CALN1: variants seen among roughly 807,000 people sequenced by gnomAD.
The protein encoded by CALN1 is calcium-binding protein 8.
CALN1 carries 17 observed loss-of-function variants against 30.6 expected under a neutral mutation model. The ratio of observed to expected loss-of-function variants is 0.56; its 90% CI spans 0.38 to 0.83. The LOEUF is 0.83. Among genes scored for constraint, CALN1 ranks in the 40% least tolerant of loss-of-function variants. CALN1 has a pLI of 0.00. For synonymous variants in CALN1, 156 were observed against 131.4 expected, an observed-to-expected ratio of 1.19 and a Z score of -1.28; for missense variants, 291 against 354.9, an observed-to-expected ratio of 0.82 and a Z score of 1.45.
At chr7:72,344,206 C>A (rs984878420) in intron 2 of CALN1, among the ~76,000 whole-genome samples, 1 of 152,056 alleles carries the variant, frequency 6.6e-6, no homozygotes, top group Non-Finnish European at 1.5e-5. Flanking sequence ...CCAGAGAAGG[C>A]TACAGATTCT....
chr7:72,158,889 G>A (rs563624143), intron 3 of CALN1, among the ~76,000 whole-genome samples: 17 of 152,128 alleles, frequency 1.1e-4, no homozygotes, highest in African/African-American at 1.2e-4. Flanking sequence ...ATGGAGTCTC[G>A]CTCTGTCGCC....
At chr7:72,304,048 GAGTC>G (rs1374363838) in intron 2 of CALN1, among the ~76,000 whole-genome samples, 1 of 152,176 alleles carries the variant, frequency 6.6e-6, no homozygotes, top group Non-Finnish European at 1.5e-5. Flanking sequence ...GCCACTCTAA[GAGTC>G]AGTAATACAG....
At chr7:72,501,976 T>TACAC in the CALN1 span, among the ~76,000 whole-genome samples, 6 of 108,604 alleles carry the variant, frequency 5.5e-5, no homozygotes, top group South Asian at 2.6e-4. Flanking sequence ...TAAATATATA[T>TACAC]ACACACATAT....
At chr7:72,126,846 A>G (rs920949862) in intron 3 of CALN1, among the ~76,000 whole-genome samples, 1 of 152,110 alleles carries the variant, frequency 6.6e-6, no homozygotes, top group Non-Finnish European at 1.5e-5. Context: ...ACTATAATAC[A>G]TATTGGGTAC....
At chr7:72,356,466 G>A (rs1308336092) in intron 2 of CALN1, among the ~76,000 whole-genome samples, 1 of 151,910 alleles carries the variant, frequency 6.6e-6, no homozygotes, top group Non-Finnish European at 1.5e-5. Context: ...AGTGATAAAT[G>A]TACTAATTTA....
chr7:72,277,965 C>T (rs907553180), intron 3 of CALN1, among the ~76,000 whole-genome samples: 3 of 139,670 alleles, frequency 2.1e-5, no homozygotes, highest in African/African-American at 8.0e-5. Context: ...CGATGTAGTA[C>T]CTAGGTAAAA....
intron 3 of CALN1, among the ~76,000 whole-genome samples, chr7:72,108,541 T>A (rs1011649625): frequency 8.5e-5 from 13 of 152,236 alleles, no homozygotes; most frequent in Admixed American, 1.3e-4. Flanking sequence ...CATGTTGACT[T>A]CTGACAAACT....
chr7:72,117,814 C>T (rs1456965979), intron 3 of CALN1, among the ~76,000 whole-genome samples: 2 of 151,930 alleles, frequency 1.3e-5, no homozygotes, highest in African/African-American at 4.8e-5. Context: ...AAAAATTAGC[C>T]AGGCCTGGTG....
intron 5 of CALN1, among the ~76,000 whole-genome samples, chr7:71,983,999 T>C (rs183664305): frequency 1.3e-5 from 2 of 152,122 alleles, no homozygotes; most frequent in Admixed American, 1.3e-4. Context: ...GATAATAGTT[T>C]GTAAAGACTA....
chr7:72,073,644 T>C (rs1019962772), intron 4 of CALN1, among the ~76,000 whole-genome samples: 9 of 151,978 alleles, frequency 5.9e-5, no homozygotes, highest in Admixed American at 6.6e-5. Flanking sequence ...TCTTTTTCCT[T>C]CCTGTCTTCC....
At chr7:72,483,351 C>T in the CALN1 span, among the ~76,000 whole-genome samples, 2,626 of 141,976 alleles carry the variant, frequency 0.018, 72 homozygotes, top group African/African-American at 0.062. Context: ...GTGGCACGAT[C>T]TCAGCTCACT....
intron 2 of CALN1, among the ~76,000 whole-genome samples, chr7:72,378,551 A>C (rs1804700360): frequency 6.6e-6 from 1 of 152,196 alleles, no homozygotes. Flanking sequence ...AATCACTTCA[A>C]GTAGAATGTA....
At chr7:72,365,863 C>A (rs1017420197) in intron 2 of CALN1, among the ~76,000 whole-genome samples, 11 of 152,108 alleles carry the variant, frequency 7.2e-5, no homozygotes, top group Non-Finnish European at 1.6e-4. Flanking sequence ...TGAAAACGTA[C>A]CCTCTCGCCC....
intron 4 of CALN1, among the ~76,000 whole-genome samples, chr7:72,045,803 C>G (rs1802427698): frequency 6.6e-6 from 1 of 151,888 alleles, no homozygotes; most frequent in African/African-American, 2.4e-5. Context: ...AGTTTGATAC[C>G]AGCCTGGCCA....
chr7:72,058,151 A>G (rs1445315705), intron 4 of CALN1, among the ~76,000 whole-genome samples: 2 of 152,052 alleles, frequency 1.3e-5, no homozygotes, highest in African/African-American at 4.8e-5. Flanking sequence ...CGCCACGTTA[A>G]ACACCTACAC....
chr7:71,875,028 G>C (rs144679829), intron 5 of CALN1, among the ~76,000 whole-genome samples: 3,948 of 152,140 alleles, frequency 0.026, 161 homozygotes, highest in African/African-American at 0.09. Flanking sequence ...AGCTGAGTGT[G>C]GGGGTGCATG....
At position 72,277,689 on chromosome 7, in the gene CALN1, T is replaced by C. The variant is rs533062698; in HGVS notation, c.244+997A>G. On this transcript the variant is annotated intron_variant, in intron 3 of 6. Transcript: ENST00000395275. ...CTCTTCACCTCCCTCACTTCCTGCCTGTTGTGAAGCAAGTTTGGCTTCACT... is the reference window on the plus strand; with the variant it reads ...CTCTTCACCTCCCTCACTTCCTGCCCGTTGTGAAGCAAGTTTGGCTTCACT... Among the ~76,000 whole-genome samples, 103 of 152,262 alleles carry C rather than the reference T, an allele frequency of 6.8e-4. 1 individual carries two copies. The highest frequency in any genetic ancestry group is 1.1e-3 in the Non-Finnish European group (76 of 68,014).
intron 3 of CALN1, among the ~76,000 whole-genome samples, chr7:72,109,882 A>AGG (rs1807439902): frequency 6.6e-6 from 1 of 151,782 alleles, no homozygotes; most frequent in South Asian, 2.1e-4. Context: ...ATCTGAAAAA[A>AGG]TGGGTTAGGT....
intron 3 of CALN1, among the ~76,000 whole-genome samples, chr7:72,148,414 AAAAAAAGAAAAAAAAG>A (rs769204950): frequency 0.021 from 2,002 of 96,334 alleles, 21 homozygotes; most frequent in Non-Finnish European, 0.042. Context: ...CAAAAAAGTA[AAAAAAAGAAAAAAAAG>A]AAAAAAGAAA....
Sources: allele counts gnomAD v4.1 joint callset (sites outside exome capture counted in the v4.1 genomes callset), GRCh38; gene constraint gnomAD v4.1.1; transcripts MANE v1.5; gene names NCBI Gene and HGNC (gene_info 2026-07-23, HGNC 2026-07-21).